ARHGEF33: variants seen among roughly 807,000 people sequenced by gnomAD.
The protein encoded by ARHGEF33 is Rho guanine nucleotide exchange factor 33, also known as DH and coiled-coil domain-containing protein ENSP00000381780.
ARHGEF33 carries 72 observed loss-of-function variants against 101.9 expected under a neutral mutation model. That is an observed-to-expected ratio of 0.71 (90% CI 0.58 to 0.86). The LOEUF (loss-of-function observed/expected upper bound fraction) is 0.86, where lower values mean the gene tolerates loss of function less well. ARHGEF33 is among the 40% of genes least tolerant of loss of function. The pLI is 0.00. For synonymous variants in ARHGEF33, 499 were observed against 442.5 expected (o/e 1.13, Z -1.60); for missense variants, 1,169 against 1,111.3 (o/e 1.05, Z -0.74).
intron 2 of ARHGEF33, among the ~76,000 whole-genome samples, chr2:38,909,907 AT>A (rs1373392223): frequency 6.6e-6 from 1 of 151,772 alleles, no homozygotes; most frequent in African/African-American, 2.4e-5. Flanking sequence ...ATAACCATTA[AT>A]TTTTATTTTT....
intron 2 of ARHGEF33, among the ~76,000 whole-genome samples, chr2:38,914,516 A>T (rs1475632178): frequency 1.3e-5 from 2 of 151,984 alleles, no homozygotes; most frequent in Admixed American, 1.3e-4. Context: ...AAAATACAAC[A>T]ATTATCCAGG....
chr2:38,937,327 C>A lies in ARHGEF33; in HGVS notation c.566-8C>A. 3 of 443,300 alleles carry A rather than the reference C, an allele frequency of 6.8e-6. No individual in the cohort carries two copies. Among genetic ancestry groups the A allele is most frequent in the South Asian group, 2.3e-5 (1 of 43,316 alleles). 27.5% of individuals were successfully genotyped at this position (443,300 alleles called of 1,614,324 possible). A position where few individuals can be genotyped will look rare whatever the true frequency, so the allele number is the denominator to read the frequency against. On this transcript the variant is annotated splice_region_variant and splice_polypyrimidine_tract_variant and intron_variant, in intron 8 of 17. Transcript: ENST00000409978. ...TTTGTTTCCCCGCCCCTCCCCCCAC[C>A]CCACCAGGAGTGAACCCAACAACTC...
intron 9 of ARHGEF33, among the ~76,000 whole-genome samples, chr2:38,943,357 A>C (rs1667361003): frequency 6.6e-6 from 1 of 152,176 alleles, no homozygotes; most frequent in African/African-American, 2.4e-5. Context: ...TGGGATCTAC[A>C]GGGGAAGAAG....
At chr2:38,948,304 G>A (rs896519418) in intron 10 of ARHGEF33, among the ~76,000 whole-genome samples, 1 of 152,104 alleles carries the variant, frequency 6.6e-6, no homozygotes, top group Non-Finnish European at 1.5e-5. Context: ...TTTAAAGCCC[G>A]TTTTCAATGT....
At chr2:38,910,265 A>G (rs1258054078) in intron 2 of ARHGEF33, among the ~76,000 whole-genome samples, 1 of 152,210 alleles carries the variant, frequency 6.6e-6, no homozygotes, top group African/African-American at 2.4e-5. Context: ...TATCTGTTTC[A>G]TTTAGCTTTT....
At chr2:38,942,950 G>C (rs929567509) in intron 9 of ARHGEF33, among the ~76,000 whole-genome samples, 2 of 152,074 alleles carry the variant, frequency 1.3e-5, no homozygotes, top group Non-Finnish European at 2.9e-5. Context: ...TTTTTTGAGA[G>C]AGAGTCTTGC....
intron 4 of ARHGEF33, among the ~76,000 whole-genome samples, chr2:38,925,614 T>C (rs985720961): frequency 1.3e-5 from 2 of 152,214 alleles, no homozygotes; most frequent in South Asian, 2.1e-4. Flanking sequence ...TCACTTTGTA[T>C]TTTAAATAAT....
chr2:38,918,506 T>C (rs1558427497), intron 2 of ARHGEF33, among the ~76,000 whole-genome samples: 1 of 152,292 alleles, frequency 6.6e-6, no homozygotes, highest in East Asian at 1.9e-4. Flanking sequence ...GTTAAAATGC[T>C]GGATGGCTAA....
At chr2:38,897,180 C>T (rs2124977524) in intron 2 of ARHGEF33, among the ~76,000 whole-genome samples, 1 of 152,322 alleles carries the variant, frequency 6.6e-6, no homozygotes, top group Middle Eastern at 3.4e-3. Context: ...TCCAAAAGTG[C>T]TGGGATTACA....
rs1260280774 is a variant in ARHGEF33, at chr2:38,960,431, T to C, written c.2126T>C (p.Leu709Pro). Residue 709 changes from leucine (L) to proline (P), a missense_variant, in exon 16 of 18, where the codon CTC becomes CCC. By Grantham distance (98) the Leu-to-Pro change is moderately conservative. Coordinates refer to ENST00000409978, the MANE Select transcript of ARHGEF33 (RefSeq NM_001145451.5). ...AAGGCCAAGCCGCTGAGCCGCTCTC[T>C]CAAAGAGTTCCCGCGTGCGCCGCCA... ...HGKAKPLSRS[L>P]KEFPRAPPAD... 6.6e-7 allele frequency: 1 copy of C among 1,508,262 alleles called. No homozygotes were observed. The highest frequency in any genetic ancestry group is 8.8e-7 in the Non-Finnish European group (1 of 1,135,294). 93.4% of individuals were successfully genotyped at this position (1,508,262 alleles called of 1,614,324 possible).
chr2:38,970,713 A>T (rs1156647185), intron 17 of ARHGEF33, among the ~76,000 whole-genome samples: 1 of 152,212 alleles, frequency 6.6e-6, no homozygotes, highest in Non-Finnish European at 1.5e-5. Flanking sequence ...CTAACTATTG[A>T]TACAAGGTAT....
intron 10 of ARHGEF33, among the ~76,000 whole-genome samples, chr2:38,949,325 A>G (rs1020032091): frequency 6.6e-6 from 1 of 152,222 alleles, no homozygotes; most frequent in East Asian, 1.9e-4. Flanking sequence ...TGCTGAAAGC[A>G]TAAAGGAACC....
At chr2:38,918,892 A>C (rs1420229083) in intron 2 of ARHGEF33, among the ~76,000 whole-genome samples, 3 of 151,720 alleles carry the variant, frequency 2.0e-5, no homozygotes, top group East Asian at 3.9e-4. Flanking sequence ...AAAAAAAAAA[A>C]AAACAAATCC....
At chr2:38,909,609 G>A (rs1469218643) in intron 2 of ARHGEF33, among the ~76,000 whole-genome samples, 1 of 151,196 alleles carries the variant, frequency 6.6e-6, no homozygotes, top group Non-Finnish European at 1.5e-5. Context: ...AAAGTGCTGG[G>A]ATTACAGGCA....
chr2:38,889,984 G>T lies in ARHGEF33; in HGVS notation c.-161G>T. Reference sequence around the variant, plus strand: ...ATGATATAACCACCGCAGGCAACATGGGGTAAGTATGCGCTTTTATATGCT... The same window carrying T: ...ATGATATAACCACCGCAGGCAACATTGGGTAAGTATGCGCTTTTATATGCT... On this transcript the variant is annotated splice_region_variant and 5_prime_UTR_variant, in exon 1 of 18. It removes an upstream start codon present in the reference 5' UTR. Coordinates refer to ENST00000409978, the MANE Select transcript of ARHGEF33 (RefSeq NM_001145451.5). 1 of 468,978 alleles carries T rather than the reference G, an allele frequency of 2.1e-6. No individual in the cohort carries two copies. The highest frequency in any genetic ancestry group is 4.4e-6 in the Non-Finnish European group (1 of 226,230). The allele number at this position is 468,978 out of a possible 1,614,324, so 29.1% of individuals were successfully genotyped here.
intron 2 of ARHGEF33, among the ~76,000 whole-genome samples, chr2:38,906,188 CAAA>C (rs70954773): frequency 1.2e-4 from 8 of 66,008 alleles, no homozygotes; most frequent in Admixed American, 1.6e-4. Context: ...GACTCTGTCT[CAAA>C]AAAAAAAAAA....
At chr2:38,946,817 G>A (rs1667463279) in intron 10 of ARHGEF33, among the ~76,000 whole-genome samples, 1 of 152,062 alleles carries the variant, frequency 6.6e-6, no homozygotes, top group African/African-American at 2.4e-5. Flanking sequence ...GTAGAGATTA[G>A]GTTTCACCAT....
At chr2:38,933,626 C>G (rs1015788222) in intron 7 of ARHGEF33, among the ~76,000 whole-genome samples, 1 of 152,234 alleles carries the variant, frequency 6.6e-6, no homozygotes, top group African/African-American at 2.4e-5. Flanking sequence ...GATCTGTCCA[C>G]CTTGGCCTCC....
At position 38,973,881 on chromosome 2, in the gene ARHGEF33, G is replaced by A. The variant is rs1329447388; in HGVS notation, c.*38G>A. On this transcript the variant is annotated 3_prime_UTR_variant, in exon 18 of 18. Coordinates refer to ENST00000409978, the MANE Select transcript of ARHGEF33 (RefSeq NM_001145451.5). ...GTTGTATTGTCAAGTGGTAAGATGAGGATAAAAAGCTTGTATATATCTGTG... is the reference window on the plus strand; with the variant it reads ...GTTGTATTGTCAAGTGGTAAGATGAAGATAAAAAGCTTGTATATATCTGTG... The A allele has an allele frequency of 1.3e-6, 2 of 1,495,326 alleles. No individual in the cohort carries two copies. The highest frequency in any genetic ancestry group is 1.8e-6 in the Non-Finnish European group (2 of 1,119,288). The allele number at this position is 1,495,326 out of a possible 1,614,324, so 92.6% of individuals were successfully genotyped here. A position where few individuals can be genotyped will look rare whatever the true frequency, so the allele number is the denominator to read the frequency against.
Sources: gnomAD v4.1 joint callset for allele counts (sites outside exome capture counted in the v4.1 genomes callset) on GRCh38, gnomAD v4.1.1 for gene constraint, MANE v1.5 for transcripts, NCBI Gene and HGNC (gene_info 2026-07-23, HGNC 2026-07-21) for gene names.